Variants in LINGO2 observed in about 807,000 individuals in gnomAD.
The protein encoded by LINGO2 is leucine-rich repeat and immunoglobulin-like domain-containing nogo receptor-interacting protein 2.
LINGO2 carries 14 observed loss-of-function variants against 30.6 expected under a neutral mutation model. The observed-to-expected ratio is 0.46, with a 90% CI of 0.30 to 0.72. LINGO2 has a LOEUF of 0.72. LINGO2 is among the 30% of genes least tolerant of loss of function. The pLI is 0.07. For synonymous variants in LINGO2, 317 were observed against 288.5 expected (o/e 1.10, Z -1.00); for missense variants, 729 against 751.7 (o/e 0.97, Z 0.35).
the LINGO2 span, among the ~76,000 whole-genome samples, chr9:28,948,706 A>G: frequency 1.3e-5 from 2 of 152,132 alleles, no homozygotes; most frequent in Admixed American, 6.6e-5. Context: ...ATAATGAAAT[A>G]AATCTTGGTT....
chr9:29,203,866 G>A, the LINGO2 span, among the ~76,000 whole-genome samples: 3 of 152,038 alleles, frequency 2.0e-5, no homozygotes, highest in African/African-American at 7.2e-5. Flanking sequence ...CCTTCACTTT[G>A]TGTATTATAT....
chr9:28,353,989 T>A (rs543198378), intron 3 of LINGO2, among the ~76,000 whole-genome samples: 55 of 152,160 alleles, frequency 3.6e-4, no homozygotes, highest in African/African-American at 1.1e-3. Context: ...AATATCACAC[T>A]CTGGGGCCTG....
chr9:28,220,396 G>A (rs1159871853), intron 4 of LINGO2, among the ~76,000 whole-genome samples: 1 of 152,086 alleles, frequency 6.6e-6, no homozygotes, highest in African/African-American at 2.4e-5. Flanking sequence ...ACAAAAGCAA[G>A]TTCTATGAGA....
intron 4 of LINGO2, among the ~76,000 whole-genome samples, chr9:28,192,219 A>T (rs2133779409): frequency 6.6e-6 from 1 of 152,234 alleles, no homozygotes; most frequent in South Asian, 2.1e-4. Context: ...ATATTTACAT[A>T]CATACATGCT....
At chr9:28,799,648 C>G in the LINGO2 span, among the ~76,000 whole-genome samples, 1 of 152,044 alleles carries the variant, frequency 6.6e-6, no homozygotes, top group African/African-American at 2.4e-5. Flanking sequence ...GGCCTGAGTT[C>G]CTCGTGGTAA....
At chr9:28,628,464 G>A (rs969034364) in intron 1 of LINGO2, among the ~76,000 whole-genome samples, 1 of 152,050 alleles carries the variant, frequency 6.6e-6, no homozygotes, top group African/African-American at 2.4e-5. Context: ...TGCCGGGTGC[G>A]TATAGTGTGC....
intron 4 of LINGO2, among the ~76,000 whole-genome samples, chr9:28,020,432 G>C (rs79256394): frequency 6.6e-6 from 1 of 152,126 alleles, no homozygotes; most frequent in South Asian, 2.1e-4. Context: ...AGGAGGCTGA[G>C]ACATGCGAAT....
downstream of LINGO2, among the ~76,000 whole-genome samples, chr9:27,946,660 C>A (rs1256634200): frequency 6.6e-6 from 1 of 152,052 alleles, no homozygotes; most frequent in Non-Finnish European, 1.5e-5. Context: ...ATTTGAAAGA[C>A]CCCATTCCAT....
At position 28,098,496 on chromosome 9, in the gene LINGO2, C is replaced by T. The variant is rs566451536; in HGVS notation, c.-86-86091G>A. 3.9e-5 allele frequency among the ~76,000 whole-genome samples: 6 copies of T among 152,282 alleles called. No individual in the cohort carries two copies. The East Asian group carries it at 1.2e-3, about 29-fold the overall frequency. ...TGGCTTGCTGTCTGCTTAGCACTTT[C>T]ACATCAGATTATATACTTCTTAGCA... On this transcript the variant is annotated intron_variant, in intron 4 of 5. Coordinates refer to ENST00000379992, the Ensembl canonical transcript of LINGO2.
the LINGO2 span, among the ~76,000 whole-genome samples, chr9:28,834,954 T>C: frequency 6.6e-6 from 1 of 152,170 alleles, no homozygotes; most frequent in South Asian, 2.1e-4. Flanking sequence ...CCCTAGTAAA[T>C]ATATACTCAA....
intron 1 of LINGO2, among the ~76,000 whole-genome samples, chr9:28,478,590 G>A (rs1825813155): frequency 6.6e-6 from 1 of 151,950 alleles, no homozygotes; most frequent in Admixed American, 6.6e-5. Context: ...GATTCCTATT[G>A]TATATTTCTG....
At chr9:29,051,817 T>A in the LINGO2 span, among the ~76,000 whole-genome samples, 1 of 152,176 alleles carries the variant, frequency 6.6e-6, no homozygotes, top group Admixed American at 6.6e-5. Context: ...TTACTAATTT[T>A]GTGAGCTCGA....
At chr9:28,753,308 T>C in the LINGO2 span, among the ~76,000 whole-genome samples, 1 of 152,054 alleles carries the variant, frequency 6.6e-6, no homozygotes, top group Non-Finnish European at 1.5e-5. Flanking sequence ...GGTGGTTTCT[T>C]TTTTCTTATA....
the LINGO2 span, among the ~76,000 whole-genome samples, chr9:29,002,171 T>C: frequency 6.6e-6 from 1 of 152,064 alleles, no homozygotes; most frequent in African/African-American, 2.4e-5. Flanking sequence ...ATGGGTATAT[T>C]CTTATACCAC....
At chr9:28,107,022 C>T (rs1563978838) in intron 4 of LINGO2, among the ~76,000 whole-genome samples, 1 of 152,176 alleles carries the variant, frequency 6.6e-6, no homozygotes, top group Non-Finnish European at 1.5e-5. Flanking sequence ...ACCTCTCCCC[C>T]ATTCCTTAAT....
At chr9:28,266,685 G>C (rs1463925754) in intron 4 of LINGO2, among the ~76,000 whole-genome samples, 1 of 151,984 alleles carries the variant, frequency 6.6e-6, no homozygotes, top group African/African-American at 2.4e-5. Flanking sequence ...TGCAGAGGCA[G>C]TTAAACCAGA....
At chr9:28,550,639 G>T (rs543846865) in intron 1 of LINGO2, among the ~76,000 whole-genome samples, 2 of 151,760 alleles carry the variant, frequency 1.3e-5, no homozygotes, top group South Asian at 2.1e-4. Context: ...TTGAATTGCT[G>T]CTGCAATTGA....
the LINGO2 span, among the ~76,000 whole-genome samples, chr9:29,206,796 A>G: frequency 6.6e-6 from 1 of 152,222 alleles, no homozygotes; most frequent in Non-Finnish European, 1.5e-5. Context: ...CTCATGTACC[A>G]TGATATCCTG....
chr9:28,555,343 C>G (rs1822594898), intron 1 of LINGO2, among the ~76,000 whole-genome samples: 2 of 147,534 alleles, frequency 1.4e-5, no homozygotes, highest in African/African-American at 5.1e-5. Flanking sequence ...GAAATACAAA[C>G]TACCATCAGA....
Sources: allele counts gnomAD v4.1 joint callset (sites outside exome capture counted in the v4.1 genomes callset), GRCh38; gene constraint gnomAD v4.1.1; transcripts MANE v1.5; gene names NCBI Gene and HGNC (gene_info 2026-07-23, HGNC 2026-07-21).